The following TANC1 variants were observed in gnomAD, a reference collection of about 807,000 sequenced individuals.
The protein encoded by TANC1 is tetratricopeptide repeat, ankyrin repeat and coiled-coil containing 1, also known as protein TANC1.
In TANC1, 77 loss-of-function variants were observed where a neutral mutation model predicts 149.7. The observed-to-expected ratio is 0.51, with a 90% confidence interval of 0.43 to 0.62. The LOEUF (loss-of-function observed/expected upper bound fraction) is 0.62, where lower values mean the gene tolerates loss of function less well. Among genes scored for constraint, TANC1 ranks in the 20% least tolerant of loss-of-function variants. The pLI, the probability that TANC1 is intolerant of heterozygous loss-of-function variation, is 0.00. For synonymous variants in TANC1, 854 were observed against 925.0 expected (o/e 0.92, Z 1.39); for missense variants, 1,985 against 2,321.8 (o/e 0.85, Z 2.98).
At chr2:159,206,280 G>C (rs575335763) in intron 19 of TANC1, among the ~76,000 whole-genome samples, 1 of 152,178 alleles carries the variant, frequency 6.6e-6, no homozygotes, top group Non-Finnish European at 1.5e-5. Flanking sequence ...GTGTATGGGG[G>C]TCCTCCAAAC....
chr2:159,041,507 C>A (rs1360928184), intron 2 of TANC1, among the ~76,000 whole-genome samples: 1 of 152,236 alleles, frequency 6.6e-6, no homozygotes, highest in Non-Finnish European at 1.5e-5. Flanking sequence ...GCCCCTCCCC[C>A]AGCTAGGCTG....
intron 2 of TANC1, chr2:159,056,904 C>A (rs776263678): frequency 3.6e-5 from 9 of 250,772 alleles, no homozygotes; most frequent in Non-Finnish European, 7.7e-5. Flanking sequence ...TAGGACATAT[C>A]CGTGAACTAC....
chr2:159,094,269 CACATGGA>C (rs113484832), intron 3 of TANC1, among the ~76,000 whole-genome samples: 2 of 152,290 alleles, frequency 1.3e-5, no homozygotes, highest in Admixed American at 6.5e-5. Context: ...CTCTTCAAAC[CACATGGA>C]AAACCAGTGT....
intron 2 of TANC1, among the ~76,000 whole-genome samples, chr2:159,044,228 C>G (rs1190495156): frequency 6.6e-6 from 1 of 152,140 alleles, no homozygotes; most frequent in African/African-American, 2.4e-5. Flanking sequence ...TCACTTGAGA[C>G]CAGCCTGGGC....
At position 159,097,643 on chromosome 2, in the gene TANC1, A is replaced by C. The variant is rs1455802281; in HGVS notation, c.68A>C (p.Asp23Ala). ...GKGGKKEAGS[D>A]FGPETSPVLH... Reference sequence around the variant, plus strand: ...TATTCTCTCTCTACTCTAGGAAGTGACTTTGGTCCAGAGACTTCTCCAGTC... The same window carrying C: ...TATTCTCTCTCTACTCTAGGAAGTGCCTTTGGTCCAGAGACTTCTCCAGTC... The change falls in exon 4 of 27, where the codon GAC (aspartate) becomes GCC (alanine). Residue 23 changes from aspartate to alanine, a missense_variant. This residue lies in a region of TANC1 where 557 missense variants were observed against 612.9 expected (regional missense o/e 0.91). Transcript: ENST00000263635. 1.9e-6 allele frequency: 3 copies of C among 1,613,390 alleles called. No individual in the cohort carries two copies. Among genetic ancestry groups the C allele is most frequent in the Non-Finnish European group, 2.5e-6 (3 of 1,179,494 alleles).
chr2:159,182,106 G>A (rs2056545637), intron 14 of TANC1, among the ~76,000 whole-genome samples: 1 of 152,138 alleles, frequency 6.6e-6, no homozygotes, highest in South Asian at 2.1e-4. Context: ...CTGCTTGGGA[G>A]GCTGAGGTAG....
At chr2:159,169,783 A>G (rs2054996375) in intron 9 of TANC1, among the ~76,000 whole-genome samples, 2 of 152,138 alleles carry the variant, frequency 1.3e-5, no homozygotes, top group Admixed American at 6.5e-5. Context: ...ACCTGAGGTC[A>G]GGAGTTTGAG....
chr2:159,029,386 C>A (rs1221876077), intron 2 of TANC1, among the ~76,000 whole-genome samples: 3 of 152,064 alleles, frequency 2.0e-5, no homozygotes, highest in Admixed American at 6.5e-5. Flanking sequence ...GGATCGTATG[C>A]CTCACTTTTT....
At chr2:159,153,015 C>A (rs1195845388) in intron 7 of TANC1, among the ~76,000 whole-genome samples, 1 of 152,172 alleles carries the variant, frequency 6.6e-6, no homozygotes, top group Non-Finnish European at 1.5e-5. Flanking sequence ...CCCATAGTGT[C>A]TCAATATTCC....
chr2:159,208,147 G>A (rs1225052786), intron 19 of TANC1, among the ~76,000 whole-genome samples: 2 of 152,078 alleles, frequency 1.3e-5, no homozygotes, highest in African/African-American at 4.8e-5. Context: ...ATCCACCCAG[G>A]GTATTTTGTG....
chr2:159,161,847 T>C (rs958392586), intron 7 of TANC1, among the ~76,000 whole-genome samples: 15 of 152,214 alleles, frequency 9.9e-5, no homozygotes, highest in African/African-American at 3.4e-4. Context: ...GTGTAGTGTC[T>C]CTGACCACAA....
At chr2:159,187,358 G>A (rs920734908) in intron 16 of TANC1, among the ~76,000 whole-genome samples, 6 of 152,200 alleles carry the variant, frequency 3.9e-5, no homozygotes, top group Admixed American at 3.3e-4. Context: ...AGTGTCCTGC[G>A]TTACTAATCT....
rs1428016053 is a variant in TANC1 at position 159,224,351 on chromosome 2, G to C, written c.3798G>C (p.Lys1266Asn). ...CTGTAGTGGTGGCGCTACTCAGAAA[G>C]GGAGCCAAGTTAGGTCAGTGAGCAC... ...NTSVVVALLR[K>N]GAKLGNAAWA... The change falls in exon 23 of 27, where the codon AAG becomes AAC. Residue 1266 changes from lysine to asparagine, a missense_variant. Lys to Asn is a moderately conservative substitution (Grantham distance 94). Around this residue, in one of 3 missense-constraint regions of TANC1, gnomAD observed 920 missense variants for 994.7 expected, o/e 0.92. Transcript: ENST00000263635. 1 of 1,614,156 alleles carries C rather than the reference G, an allele frequency of 6.2e-7. No individual in the cohort carries two copies. The highest frequency in any genetic ancestry group is 2.2e-5 in the East Asian group (1 of 44,884).
intron 2 of TANC1, among the ~76,000 whole-genome samples, chr2:159,022,277 G>A (rs555398169): frequency 6.6e-6 from 1 of 152,262 alleles, no homozygotes; most frequent in Non-Finnish European, 1.5e-5. Flanking sequence ...GTTAAGCAAG[G>A]AAGCCCTCTG....
At chr2:159,072,498 G>T (rs769069252) in intron 3 of TANC1, among the ~76,000 whole-genome samples, 1 of 152,192 alleles carries the variant, frequency 6.6e-6, no homozygotes, top group Non-Finnish European at 1.5e-5. Flanking sequence ...CCTTATAGTT[G>T]TATTGTCAGG....
intron 4 of TANC1, among the ~76,000 whole-genome samples, chr2:159,127,366 T>C (rs1304442516): frequency 6.6e-6 from 1 of 152,208 alleles, no homozygotes; most frequent in Non-Finnish European, 1.5e-5. Context: ...TTCCTGGGAA[T>C]GTAAATTAGT....
intron 3 of TANC1, among the ~76,000 whole-genome samples, chr2:159,089,122 C>T (rs149952119): frequency 6.6e-6 from 1 of 152,142 alleles, no homozygotes; most frequent in Admixed American, 6.5e-5. Context: ...TTGCTATCCT[C>T]CCCCTTCCAC....
chr2:159,150,681 C>T (rs1290159267), intron 7 of TANC1, 125 bp downstream of exon 7: 1 of 686,532 alleles, frequency 1.5e-6, no homozygotes, highest in African/African-American at 1.8e-5. Flanking sequence ...CTGCTCTGTT[C>T]TTTGCAGGCA....
chr2:158,994,796 A>G (rs2035986138), intron 1 of TANC1, among the ~76,000 whole-genome samples: 1 of 152,260 alleles, frequency 6.6e-6, no homozygotes, highest in African/African-American at 2.4e-5. Flanking sequence ...ATTTGAGAAT[A>G]TGCTTTAGGT....
Sources: gnomAD v4.1 joint callset for allele counts (sites outside exome capture counted in the v4.1 genomes callset) on GRCh38, gnomAD v4.1.1 for gene constraint, gnomAD v4.1.1 regional missense constraint, MANE v1.5 for transcripts, NCBI Gene and HGNC (gene_info 2026-07-23, HGNC 2026-07-21) for gene names.